The following CORIN variants were observed in gnomAD, a reference collection of about 807,000 sequenced individuals.
The protein encoded by CORIN is corin, serine peptidase.
Under a neutral mutation model 125.3 loss-of-function variants are expected in CORIN, and 117 were observed. The observed-to-expected ratio is 0.93, with a 90% CI of 0.80 to 1.09. CORIN has a LOEUF of 1.09. Ranked by LOEUF, CORIN falls within the 50% of genes least tolerant of loss-of-function variation. The probability of loss-of-function intolerance (pLI) is 0.00; values close to 1 mark genes in which losing one functional copy is unlikely to be tolerated. For missense variants in CORIN, 1,253 were observed against 1,306.7 expected (o/e 0.96, Z 0.63); for synonymous variants, 450 against 466.4 (o/e 0.96, Z 0.45).
chr4:47,797,953 G>T (rs1731372472), intron 2 of CORIN, among the ~76,000 whole-genome samples: 2 of 152,030 alleles, frequency 1.3e-5, no homozygotes, highest in African/African-American at 4.8e-5. Context: ...TGGACCATCA[G>T]TATCAGACTA....
At chr4:47,624,771 G>A (rs984657640) in intron 17 of CORIN, among the ~76,000 whole-genome samples, 1 of 151,702 alleles carries the variant, frequency 6.6e-6, no homozygotes, top group African/African-American at 2.4e-5. Context: ...TTCCAACCAT[G>A]AAACATTTAC....
intron 5 of CORIN, among the ~76,000 whole-genome samples, chr4:47,729,978 T>C (rs1727790164): frequency 1.3e-5 from 2 of 152,046 alleles, no homozygotes; most frequent in South Asian, 4.2e-4. Flanking sequence ...CGGCTCCCCA[T>C]CCACCTCGCT....
rs988815573 is a variant in CORIN at position 47,740,305 on chromosome 4, C to T, written c.799+4097G>A. Reference sequence around the variant, plus strand: ...TGTCTATTAGATCTCATTGGTTTATCGTGCTTTGTAAGTCTTGTATTTCCC... The same window carrying T: ...TGTCTATTAGATCTCATTGGTTTATTGTGCTTTGTAAGTCTTGTATTTCCC... On this transcript the variant is annotated intron_variant, in intron 5 of 21. Transcript: ENST00000273857. Among the ~76,000 whole-genome samples the T allele has an allele frequency of 4.0e-5, 6 of 151,778 alleles. No individual in the cohort carries two copies. In the South Asian group the frequency reaches 8.3e-4, roughly 21 times the overall value.
intron 5 of CORIN, among the ~76,000 whole-genome samples, chr4:47,703,828 A>G (rs1439722442): frequency 6.6e-6 from 1 of 152,222 alleles, no homozygotes; most frequent in African/African-American, 2.4e-5. Context: ...TGGATATAGC[A>G]TATCTACTTA....
At chr4:47,798,986 T>C (rs942686869) in intron 2 of CORIN, among the ~76,000 whole-genome samples, 2 of 152,120 alleles carry the variant, frequency 1.3e-5, no homozygotes, top group South Asian at 2.1e-4. Context: ...AGTGAGAACA[T>C]GTGGTATTTG....
intron 4 of CORIN, among the ~76,000 whole-genome samples, chr4:47,756,292 C>A (rs1373308099): frequency 6.6e-6 from 1 of 152,158 alleles, no homozygotes; most frequent in Non-Finnish European, 1.5e-5. Flanking sequence ...GTCAACAACA[C>A]TAGAGAAGCA....
intron 1 of CORIN, among the ~76,000 whole-genome samples, chr4:47,813,420 A>T (rs902140897): frequency 5.3e-5 from 8 of 152,194 alleles, no homozygotes; most frequent in Non-Finnish European, 1.2e-4. Context: ...TTTGCCAAAC[A>T]TATGCTGTCT....
At chr4:47,780,371 CTT>C (rs1730483663) in intron 3 of CORIN, among the ~76,000 whole-genome samples, 2 of 152,048 alleles carry the variant, frequency 1.3e-5, no homozygotes, top group Admixed American at 1.3e-4. Context: ...GAAATAAAAA[CTT>C]CAATTACAAA....
At chr4:47,814,921 A>G (rs140697044) in intron 1 of CORIN, among the ~76,000 whole-genome samples, 222 of 152,300 alleles carry the variant, frequency 1.5e-3, no homozygotes, top group Non-Finnish European at 2.8e-3. Context: ...AGAATCACAT[A>G]TCCCAGAATG....
intron 2 of CORIN, among the ~76,000 whole-genome samples, chr4:47,789,119 G>A (rs905573153): frequency 1.3e-5 from 2 of 151,848 alleles, no homozygotes; most frequent in African/African-American, 2.4e-5. Flanking sequence ...CCTGACCCGC[G>A]TGAAACCCCG....
chr4:47,812,405 T>C (rs150551475), intron 1 of CORIN, among the ~76,000 whole-genome samples: 1 of 152,154 alleles, frequency 6.6e-6, no homozygotes, highest in Admixed American at 6.5e-5. Context: ...CTTAGGAAGC[T>C]GAGGTGGGAG....
chr4:47,663,879 G>A (rs1724357368), intron 11 of CORIN, among the ~76,000 whole-genome samples: 1 of 152,056 alleles, frequency 6.6e-6, no homozygotes, highest in Non-Finnish European at 1.5e-5. Context: ...CTAACATTTA[G>A]TTTTATTCTC....
At position 47,762,580 on chromosome 4, in the gene CORIN, C is replaced by A. The variant is rs527816620; in HGVS notation, c.617+799G>T. On this transcript the variant is annotated intron_variant, in intron 4 of 21. Transcript: ENST00000273857. ...CTCTCTGTGTCTACACTTTGGCCTT[C>A]TTGCCCTGCTCTGCCTCCCAGTGTT... Among the ~76,000 whole-genome samples, 16 of 152,338 alleles carry A rather than the reference C, an allele frequency of 1.1e-4. 1 individual carries two copies. The highest frequency in any genetic ancestry group is 3.4e-4 in the African/African-American group (14 of 41,574).
At chr4:47,823,704 A>C (rs548364067) in intron 1 of CORIN, among the ~76,000 whole-genome samples, 1 of 152,298 alleles carries the variant, frequency 6.6e-6, no homozygotes, top group East Asian at 1.9e-4. Flanking sequence ...ACAGGGAGAA[A>C]GCTGGTTTAT....
At chr4:47,815,224 T>C (rs1025113434) in intron 1 of CORIN, among the ~76,000 whole-genome samples, 3 of 151,738 alleles carry the variant, frequency 2.0e-5, no homozygotes, top group Admixed American at 6.6e-5. Flanking sequence ...CAACCACAAA[T>C]ACCCCAAAAG....
intron 13 of CORIN, 133 bp downstream of exon 13, chr4:47,653,420 A>G: frequency 1.4e-6 from 1 of 717,382 alleles, no homozygotes; most frequent in Non-Finnish European, 2.4e-6. Context: ...CTGTTCAATA[A>G]TTTAAGAAGT....
At chr4:47,671,440 A>C (rs1724753301) in intron 10 of CORIN, among the ~76,000 whole-genome samples, 1 of 152,222 alleles carries the variant, frequency 6.6e-6, no homozygotes. Flanking sequence ...CCATATTTTC[A>C]AATGTATGAA....
intron 5 of CORIN, chr4:47,706,717 C>A: frequency 6.2e-7 from 1 of 1,605,790 alleles, no homozygotes; most frequent in Non-Finnish European, 8.5e-7. Flanking sequence ...CTCTGGGAGT[C>A]CTGAATTCTT....
intron 5 of CORIN, among the ~76,000 whole-genome samples, chr4:47,739,504 G>A (rs1166448464): frequency 6.6e-6 from 1 of 152,106 alleles, no homozygotes; most frequent in African/African-American, 2.4e-5. Flanking sequence ...CAAAAGTGGA[G>A]AGAATTTGCT....
Sources: allele counts gnomAD v4.1 joint callset (sites outside exome capture counted in the v4.1 genomes callset), GRCh38; gene constraint gnomAD v4.1.1; transcripts MANE v1.5; gene names NCBI Gene and HGNC (gene_info 2026-07-23, HGNC 2026-07-21).